Variants in PLCL1 observed in about 807,000 individuals in gnomAD.
PLCL1 encodes inactive phospholipase C-like protein 1.
Under a neutral mutation model 84.4 loss-of-function variants are expected in PLCL1, and 41 were observed. The ratio of observed to expected loss-of-function variants is 0.49; its 90% CI spans 0.38 to 0.63. The LOEUF (loss-of-function observed/expected upper bound fraction) is 0.63. Among genes scored for constraint, PLCL1 ranks in the 30% least tolerant of loss-of-function variants. The pLI is 0.00. For synonymous variants in PLCL1, 490 were observed against 488.3 expected (o/e 1.00, Z -0.05); for missense variants, 1,206 against 1,367.8 (o/e 0.88, Z 1.87).
intron 1 of PLCL1, among the ~76,000 whole-genome samples, chr2:197,934,049 G>T (rs1689001363): frequency 6.6e-6 from 1 of 152,144 alleles, no homozygotes. Context: ...TAACTCTAAT[G>T]CATCTCATCC....
chr2:197,983,203 T>TTTTTC (rs1690152933), intron 1 of PLCL1, among the ~76,000 whole-genome samples: 2 of 11,148 alleles, frequency 1.8e-4, no homozygotes, highest in African/African-American at 4.8e-4. Flanking sequence ...TTCTTTTCTT[T>TTTTTC]TTTTTTTTTT....
At chr2:197,888,249 T>A (rs1383076734) in intron 1 of PLCL1, among the ~76,000 whole-genome samples, 2 of 152,212 alleles carry the variant, frequency 1.3e-5, no homozygotes, top group Non-Finnish European at 2.9e-5. Context: ...TTGGTCTTTT[T>A]CTTTTCTTTT....
intron 1 of PLCL1, among the ~76,000 whole-genome samples, chr2:198,062,011 G>A (rs1692217335): frequency 6.6e-6 from 1 of 152,176 alleles, no homozygotes. Context: ...GCAGTGGTTG[G>A]ACTTTAATAA....
intron 2 of PLCL1, among the ~76,000 whole-genome samples, chr2:198,088,149 A>G (rs1692932474): frequency 6.6e-6 from 1 of 152,196 alleles, no homozygotes; most frequent in African/African-American, 2.4e-5. Context: ...TAAAATACAT[A>G]GAAGTGTTAT....
intron 1 of PLCL1, among the ~76,000 whole-genome samples, chr2:198,083,553 G>C (rs1692775740): frequency 1.3e-5 from 2 of 152,084 alleles, no homozygotes; most frequent in Non-Finnish European, 2.9e-5. Flanking sequence ...ATAGGCATTT[G>C]AAAAATAAGT....
At chr2:198,042,306 T>C (rs1691684897) in intron 1 of PLCL1, among the ~76,000 whole-genome samples, 2 of 152,164 alleles carry the variant, frequency 1.3e-5, no homozygotes, top group African/African-American at 4.8e-5. Context: ...TCCTGTTATG[T>C]GAGAGAAACC....
intron 1 of PLCL1, among the ~76,000 whole-genome samples, chr2:198,021,979 T>A (rs1045108521): frequency 1.3e-5 from 2 of 152,042 alleles, no homozygotes; most frequent in Non-Finnish European, 2.9e-5. Context: ...AATGTGAAAA[T>A]CCTCAATAAA....
intron 1 of PLCL1, among the ~76,000 whole-genome samples, chr2:197,985,673 G>A (rs952631631): frequency 6.6e-6 from 1 of 152,140 alleles, no homozygotes; most frequent in Non-Finnish European, 1.5e-5. Context: ...AGTGTTGTCT[G>A]TGTTTGCTTT....
chr2:197,947,587 C>A (rs1384025087), intron 1 of PLCL1, among the ~76,000 whole-genome samples: 3 of 152,056 alleles, frequency 2.0e-5, no homozygotes, highest in Non-Finnish European at 4.4e-5. Context: ...TGGGAATGTG[C>A]AAAGTAGAGA....
chr2:198,019,013 G>A (rs1030720892), intron 1 of PLCL1, among the ~76,000 whole-genome samples: 8 of 152,272 alleles, frequency 5.3e-5, no homozygotes, highest in Non-Finnish European at 1.0e-4. Context: ...TGCCCCTCTG[G>A]GACGAAGCTT....
At chr2:198,093,550 T>C (rs1261435645) in intron 3 of PLCL1, among the ~76,000 whole-genome samples, 3 of 152,174 alleles carry the variant, frequency 2.0e-5, no homozygotes, top group East Asian at 3.8e-4. Flanking sequence ...CAAGATTTAT[T>C]GCCTAGTGGT....
intron 1 of PLCL1, among the ~76,000 whole-genome samples, chr2:197,826,318 A>G (rs1214339508): frequency 6.6e-6 from 1 of 152,156 alleles, no homozygotes; most frequent in Non-Finnish European, 1.5e-5. Flanking sequence ...TAAAATGAAA[A>G]CAATGTTCTT....
chr2:197,806,444 C>T (rs569967142), intron 1 of PLCL1, among the ~76,000 whole-genome samples: 42 of 152,204 alleles, frequency 2.8e-4, no homozygotes, highest in Admixed American at 3.9e-4. Flanking sequence ...CTCCCAGCAC[C>T]AGCTTAGGTA....
At chr2:197,930,870 G>T (rs531796590) in intron 1 of PLCL1, among the ~76,000 whole-genome samples, 59 of 152,270 alleles carry the variant, frequency 3.9e-4, no homozygotes, top group Non-Finnish European at 7.5e-4. Context: ...TCTGGGAAGG[G>T]CTTATTTGGT....
chr2:197,977,889 C>T (rs1442646289), intron 1 of PLCL1, among the ~76,000 whole-genome samples: 1 of 152,186 alleles, frequency 6.6e-6, no homozygotes, highest in Non-Finnish European at 1.5e-5. Context: ...GATTTTCCCA[C>T]CTCTGTCTTT....
chr2:197,874,926 A>G (rs938644166), intron 1 of PLCL1, among the ~76,000 whole-genome samples: 1 of 152,192 alleles, frequency 6.6e-6, no homozygotes, highest in African/African-American at 2.4e-5. Context: ...AACTATAGCC[A>G]TGTTCAACAA....
At chr2:198,055,865 G>A (rs1209459525) in intron 1 of PLCL1, among the ~76,000 whole-genome samples, 5 of 152,174 alleles carry the variant, frequency 3.3e-5, no homozygotes, top group African/African-American at 4.8e-5. Flanking sequence ...CGTGATCAGC[G>A]GTCACATACA....
intron 4 of PLCL1, among the ~76,000 whole-genome samples, chr2:198,101,918 G>A (rs971348320): frequency 6.6e-6 from 1 of 151,976 alleles, no homozygotes; most frequent in Non-Finnish European, 1.5e-5. Flanking sequence ...CCACATACCC[G>A]ATAATGATTA....
chr2:197,923,606 T>C (rs1208977676), intron 1 of PLCL1, among the ~76,000 whole-genome samples: 2 of 138,612 alleles, frequency 1.4e-5, no homozygotes, highest in Non-Finnish European at 3.1e-5. Context: ...TGATGGCGGC[T>C]GGGAAGAGGC....
Sources: allele counts gnomAD v4.1 joint callset (sites outside exome capture counted in the v4.1 genomes callset), GRCh38; gene constraint gnomAD v4.1.1; transcripts MANE v1.5; gene names NCBI Gene and HGNC (gene_info 2026-07-23, HGNC 2026-07-21).